Variants in GTPBP4 observed in about 807,000 individuals in gnomAD.
GTPBP4 encodes GTP-binding protein 4.
A neutral mutation model predicts 81.7 loss-of-function variants in GTPBP4; 15 were observed. The ratio of observed to expected loss-of-function variants is 0.18; its 90% CI spans 0.12 to 0.28. The LOEUF is 0.28. Ranked by LOEUF, GTPBP4 falls within the 10% of genes least tolerant of loss-of-function variation. GTPBP4 has a pLI of 1.00. For missense variants in GTPBP4, 847 were observed against 793.8 expected (o/e 1.07, Z -0.81); for synonymous variants, 272 against 274.6 (o/e 0.99, Z 0.09).
At position 988,500 on chromosome 10, in the gene GTPBP4, G is replaced by A. The variant is rs1214956024; in HGVS notation, c.21G>A (p.Lys7=). The A allele has an allele frequency of 6.2e-7, 1 of 1,613,228 alleles. No individual in the cohort carries two copies. The highest frequency in any genetic ancestry group is 1.3e-5 in the African/African-American group (1 of 74,940). Residue 7 remains lysine, a synonymous_variant, in exon 1 of 17, where the codon AAG becomes AAA. Transcript: ENST00000360803. ...CCGGCATGGCACATTACAACTTCAA[G>A]AAAATTACGGTGGTGCCGTCCGCCA... MAHYNF[K]KITVVPSAKD...
At chr10:1,003,361 A>G (rs910670494) in intron 8 of GTPBP4, among the ~76,000 whole-genome samples, 7 of 152,214 alleles carry the variant, frequency 4.6e-5, no homozygotes, top group African/African-American at 1.7e-4. Flanking sequence ...CTTCAAAAAA[A>G]TTATTATTTT....
Position 1,012,546 on chromosome 10 carries a change from G to A in GTPBP4, c.1426G>A (p.Glu476Lys). The A allele has an allele frequency of 6.2e-7, 1 of 1,613,190 alleles. No homozygotes were observed. The highest frequency in any genetic ancestry group is 8.5e-7 in the Non-Finnish European group (1 of 1,179,128). The change falls in exon 14 of 17, where the codon GAG (glutamate) becomes AAG (lysine). Residue 476 changes from glutamate to lysine, a missense_variant. By Grantham distance (56) the Glu-to-Lys change is moderately conservative (BLOSUM62 1). Transcript: ENST00000360803. The stretch of plus-strand genomic sequence containing the variant: ...CAGTGTATCTGAGAGTGAAGACGAA[G>A]AGATGCTGGAAATCCGACAGCTGGC... ...YDSVSESEDE[E>K]MLEIRQLAKQ...
intron 13 of GTPBP4, among the ~76,000 whole-genome samples, chr10:1,011,066 TGCATCCCTCCATCCTGACTGTGCCTC>T (rs1831857674): frequency 2.2e-5 from 2 of 91,520 alleles, no homozygotes; most frequent in African/African-American, 7.8e-5. Context: ...TTCATTCTCC[TGCATCCCTCCATCCTGACTGTGCCTC>T]CTGCACCTCT....
At position 1,010,423 on chromosome 10, in the gene GTPBP4, A is replaced by G. The variant is rs1349397169; in HGVS notation, c.1247A>G (p.Tyr416Cys). Residue 416 changes from tyrosine to cysteine, a missense_variant, in exon 13 of 17, where the codon TAC (tyrosine) becomes TGC (cysteine). Physicochemically the swap from Tyr to Cys is radical, Grantham distance 194. Transcript: ENST00000360803. ...ACCACCTTTTTTTTAACTTTAGAGT[A>G]CTGGGATTTAATGAATTTGTCTGAA... ...GDDYILDLQK[Y>C]WDLMNLSEKH... The G allele has an allele frequency of 4.0e-6, 6 of 1,504,588 alleles. No homozygotes were observed. The African/African-American group carries it at 8.2e-5, about 21-fold the overall frequency. 93.2% of individuals were successfully genotyped at this position (1,504,588 alleles called of 1,614,324 possible). A position where few individuals can be genotyped will look rare whatever the true frequency, so the allele number is the denominator to read the frequency against.
intron 13 of GTPBP4, among the ~76,000 whole-genome samples, chr10:1,011,957 T>C (rs1279233389): frequency 6.6e-6 from 1 of 152,222 alleles, no homozygotes; most frequent in Non-Finnish European, 1.5e-5. Context: ...CTGGCCAGCA[T>C]CTCGTACAGG....
At chr10:1,008,106 A>C (rs1464621063) in intron 10 of GTPBP4, 1 of 454,972 alleles carries the variant, frequency 2.2e-6, no homozygotes, top group Non-Finnish European at 4.4e-6. Context: ...ATTCATTCCA[A>C]AGTCATTTTA....
chr10:1,009,476 T>C, intron 11 of GTPBP4, 53 bp from the exon 12 acceptor site: 1 of 1,201,564 alleles, frequency 8.3e-7, no homozygotes, highest in Non-Finnish European at 1.2e-6. Context: ...GCAGAGCATT[T>C]CTGGATCTGA....
chr10:996,068 T>G (rs761801907), intron 3 of GTPBP4, 36 bp downstream of exon 3: 1 of 1,542,836 alleles, frequency 6.5e-7, no homozygotes, highest in Admixed American at 1.9e-5. Context: ...TTTTAAGTTA[T>G]CGAAAGTGGA....
In GTPBP4 at chr10:1,017,121, T is replaced by C; in HGVS notation, c.1799T>C (p.Met600Thr). The C allele has an allele frequency of 6.2e-7, 1 of 1,613,882 alleles. No individual in the cohort carries two copies. The highest frequency in any genetic ancestry group is 8.5e-7 in the Non-Finnish European group (1 of 1,179,784). The change falls in exon 17 of 17, where the codon ATG (methionine) becomes ACG (threonine). Residue 600 changes from methionine to threonine, a missense_variant. Coordinates refer to ENST00000360803, the MANE Select transcript of GTPBP4 (RefSeq NM_012341.3). ...ATGATGAAGAATGCTCAGAAGAAGATGAATCGGTTGGGGAAGAAAGGGGAG... is the reference window on the plus strand; with the variant it reads ...ATGATGAAGAATGCTCAGAAGAAGACGAATCGGTTGGGGAAGAAAGGGGAG... ...KTMMKNAQKK[M>T]NRLGKKGEAD...
chr10:1,012,177 G>A (rs1427417707), intron 13 of GTPBP4, among the ~76,000 whole-genome samples: 6 of 152,066 alleles, frequency 3.9e-5, no homozygotes, highest in Admixed American at 6.5e-5. Context: ...TGAAGGAGGC[G>A]GTCTCTGCAC....
chr10:1,014,190 T>A, intron 14 of GTPBP4, 57 bp from the exon 15 acceptor site: 1 of 1,133,508 alleles, frequency 8.8e-7, no homozygotes, highest in East Asian at 2.4e-5. Context: ...CCTTGAAGTT[T>A]TTTTCAACAT....
intron 13 of GTPBP4, among the ~76,000 whole-genome samples, chr10:1,011,699 G>C (rs1384784010): frequency 6.6e-6 from 1 of 152,030 alleles, no homozygotes; most frequent in Non-Finnish European, 1.5e-5. Flanking sequence ...GCAGATTCTG[G>C]GGGCAACAAT....
Position 1,009,560 on chromosome 10 carries a change from A to T in GTPBP4, c.1223A>T (p.Asp408Val). Residue 408 changes from aspartate (D) to valine (V), a missense_variant, in exon 12 of 17, where the codon GAT becomes GTT. By Grantham distance (152) the Asp-to-Val change is radical (BLOSUM62 -3). Coordinates refer to ENST00000360803, the MANE Select transcript of GTPBP4 (RefSeq NM_012341.3). ...ERDLELEMGD[D>V]YILDLQKYWD... ...GATCTTGAGCTGGAAATGGGAGATG[A>T]TTATATTTTGGATCTTCAGAGTAAG... 1 of 1,599,748 alleles carries T rather than the reference A, an allele frequency of 6.3e-7. No homozygotes were observed. The highest frequency in any genetic ancestry group is 1.3e-5 in the African/African-American group (1 of 74,768).
chr10:1,016,216 A>G (rs1447654016), intron 16 of GTPBP4, among the ~76,000 whole-genome samples: 1 of 112,124 alleles, frequency 8.9e-6, no homozygotes, highest in East Asian at 3.0e-4. Context: ...ACAGCTGAGC[A>G]CCAGGAGGCC....
chr10:1,013,489 A>G (rs976658312), intron 14 of GTPBP4, among the ~76,000 whole-genome samples: 2 of 105,678 alleles, frequency 1.9e-5, no homozygotes, highest in Non-Finnish European at 4.4e-5. Context: ...GGGCGCCTGT[A>G]GTCCCAGCTA....
At chr10:1,005,940 T>C (rs973286037) in intron 9 of GTPBP4, 33 bp downstream of exon 9, 2 of 1,037,368 alleles carry the variant, frequency 1.9e-6, no homozygotes, top group Admixed American at 4.6e-5. Flanking sequence ...TATTAGTCTT[T>C]TTACTGTCTC....
At chr10:1,002,736 C>T (rs1831658361) in intron 8 of GTPBP4, among the ~76,000 whole-genome samples, 1 of 152,124 alleles carries the variant, frequency 6.6e-6, no homozygotes. Context: ...TATATATCAT[C>T]CCATTGTCTC....
chr10:1,005,221 A>G (rs568504477), intron 8 of GTPBP4, among the ~76,000 whole-genome samples: 83 of 152,110 alleles, frequency 5.5e-4, no homozygotes, highest in African/African-American at 1.9e-3. Context: ...TCTCTGCTCA[A>G]TGCAAGCTCC....
rs145996840 is a variant in GTPBP4 at position 1,008,877 on chromosome 10, A to G, written c.1114-81A>G. The G allele has an allele frequency of 4.6e-5, 47 of 1,024,998 alleles. No individual in the cohort carries two copies. In the African/African-American group the frequency reaches 6.4e-4, roughly 14 times the overall value. 63.5% of individuals were successfully genotyped at this position (1,024,998 alleles called of 1,614,324 possible). A position where few individuals can be genotyped will look rare whatever the true frequency, so the allele number is the denominator to read the frequency against. On this transcript the variant is annotated intron_variant, in intron 10 of 16. Coordinates refer to ENST00000360803, the MANE Select transcript of GTPBP4 (RefSeq NM_012341.3). ...TTTCTGTTCCCCTTGCACGTAGGGA[A>G]TTTGTTTCTACTTTTTCGGCTTTGT...
Sources: allele counts gnomAD v4.1 joint callset (sites outside exome capture counted in the v4.1 genomes callset), GRCh38; gene constraint gnomAD v4.1.1; transcripts MANE v1.5; gene names NCBI Gene and HGNC (gene_info 2026-07-23, HGNC 2026-07-21).